The following TRHDE variants were observed in gnomAD, a reference collection of about 807,000 sequenced individuals.
TRHDE encodes thyrotropin-releasing hormone-degrading ectoenzyme.
TRHDE carries 72 observed loss-of-function variants against 125.7 expected under a neutral mutation model. The observed-to-expected ratio is 0.57, with a 90% CI of 0.47 to 0.70. The LOEUF (loss-of-function observed/expected upper bound fraction) is 0.70, where lower values mean the gene tolerates loss of function less well. Among genes scored for constraint, TRHDE ranks in the 30% least tolerant of loss-of-function variants. TRHDE has a pLI of 0.00. For synonymous variants in TRHDE, 509 were observed against 509.1 expected, an observed-to-expected ratio of 1.00 and a Z score of 0.00; for missense variants, 1,110 against 1,327.1, an observed-to-expected ratio of 0.84 and a Z score of 2.54.
chr12:72,234,982 C>T (rs1878313680), intron 2 of TRHDE, among the ~76,000 whole-genome samples: 2 of 152,154 alleles, frequency 1.3e-5, no homozygotes, highest in Non-Finnish European at 1.5e-5. Flanking sequence ...TATTATGGTA[C>T]CTAGTTCACT....
intron 18 of TRHDE, among the ~76,000 whole-genome samples, chr12:72,662,282 A>C (rs568464657): frequency 6.6e-6 from 1 of 152,306 alleles, no homozygotes; most frequent in South Asian, 2.1e-4. Context: ...TATATCAAAC[A>C]GAAAGGAAAA....
At chr12:72,483,958 ATTTAT>A (rs1327731034) in intron 5 of TRHDE, among the ~76,000 whole-genome samples, 4 of 152,068 alleles carry the variant, frequency 2.6e-5, no homozygotes, top group Non-Finnish European at 5.9e-5. Flanking sequence ...TTGTATGGCT[ATTTAT>A]TTTATAAATT....
intron 2 of TRHDE, among the ~76,000 whole-genome samples, chr12:72,106,744 C>CTCAT (rs1254492515): frequency 2.0e-5 from 3 of 152,086 alleles, no homozygotes; most frequent in East Asian, 3.9e-4. Context: ...TTTTCATTCA[C>CTCAT]TCATTCATTC....
chr12:72,153,128 G>T (rs912572731), intron 2 of TRHDE, among the ~76,000 whole-genome samples: 8 of 151,936 alleles, frequency 5.3e-5, no homozygotes, highest in Non-Finnish European at 8.8e-5. Context: ...GTCTTGGGAG[G>T]GTGCATATGT....
intron 7 of TRHDE, among the ~76,000 whole-genome samples, chr12:72,559,565 TATTTG>T (rs562392833): frequency 0.011 from 1,638 of 152,310 alleles, 28 homozygotes; most frequent in African/African-American, 0.037. Context: ...TGATTATCTT[TATTTG>T]ATTCCTTACA....
At chr12:72,136,979 C>T (rs1282726471) in intron 2 of TRHDE, among the ~76,000 whole-genome samples, 1 of 152,148 alleles carries the variant, frequency 6.6e-6, no homozygotes, top group African/African-American at 2.4e-5. Flanking sequence ...GTTTCTGGAC[C>T]ACCTGTTATC....
chr12:72,636,564 G>T lies in TRHDE; in HGVS notation c.2675+14813G>T, dbSNP rs1873762319. Among the ~76,000 whole-genome samples the T allele has an allele frequency of 2.6e-5, 4 of 151,526 alleles. No homozygotes were observed. The South Asian group carries it at 8.4e-4, about 32-fold the overall frequency. Reference sequence around the variant, plus strand: ...TGTTGAATAGGAGTGGTGAGAGAGGGCATCCCTGTCTTGTGCCAGTTTTCA... The same window carrying T: ...TGTTGAATAGGAGTGGTGAGAGAGGTCATCCCTGTCTTGTGCCAGTTTTCA... On this transcript the variant is annotated intron_variant, in intron 15 of 18. Transcript: ENST00000261180.
At chr12:72,595,304 CAAAAT>C (rs1247631048) in intron 12 of TRHDE, among the ~76,000 whole-genome samples, 26 of 151,802 alleles carry the variant, frequency 1.7e-4, no homozygotes, top group Admixed American at 1.1e-3. Flanking sequence ...TTCAAAAAAA[CAAAAT>C]AAAGGATATT....
At chr12:72,645,006 G>GAA (rs1874223842) in intron 15 of TRHDE, among the ~76,000 whole-genome samples, 3 of 152,140 alleles carry the variant, frequency 2.0e-5, no homozygotes, top group Non-Finnish European at 4.4e-5. Flanking sequence ...CTAGGCTATT[G>GAA]GGTGAGTATC....
At chr12:72,263,678 T>A (rs1448319287) in intron 2 of TRHDE, 1 of 152,080 alleles carries the variant, frequency 6.6e-6, no homozygotes, top group East Asian at 1.9e-4. Context: ...CAGGATTCAC[T>A]CATTAAGAAT....
intron 2 of TRHDE, among the ~76,000 whole-genome samples, chr12:72,376,328 T>C (rs973716925): frequency 6.6e-6 from 1 of 152,184 alleles, no homozygotes; most frequent in African/African-American, 2.4e-5. Context: ...CACTTGTACA[T>C]TCATCCTTTT....
intron 5 of TRHDE, among the ~76,000 whole-genome samples, chr12:72,475,830 A>G (rs903096162): frequency 1.3e-5 from 2 of 152,224 alleles, no homozygotes; most frequent in Non-Finnish European, 2.9e-5. Flanking sequence ...ATTAAAGTAA[A>G]AAATGAAATA....
At chr12:72,619,533 G>GCAAA (rs1565812571) in intron 13 of TRHDE, among the ~76,000 whole-genome samples, 1 of 152,124 alleles carries the variant, frequency 6.6e-6, no homozygotes, top group Non-Finnish European at 1.5e-5. Flanking sequence ...ATACAGGAAA[G>GCAAA]CAAACAACAG....
chr12:72,518,332 T>C (rs922459601), intron 6 of TRHDE, among the ~76,000 whole-genome samples: 1 of 147,950 alleles, frequency 6.8e-6, no homozygotes, highest in African/African-American at 2.6e-5. Context: ...GGTGCTCCTG[T>C]ATTGGGTGCA....
rs541703753 is a variant in TRHDE, at chr12:72,226,365, G to C, written n.279+120613G>C. On this transcript the variant is annotated intron_variant and non_coding_transcript_variant, in intron 2 of 4. Transcript: ENST00000548156. ...TCGTTCACTCCTGAGAATTTCTAAA[G>C]GGATTAGTGGTATTCCTTGCTGTTC... 5.3e-5 allele frequency among the ~76,000 whole-genome samples: 8 copies of C among 152,302 alleles called. No homozygotes were observed. The East Asian group carries it at 1.5e-3, about 29-fold the overall frequency.
In TRHDE at chr12:72,452,473, A is replaced by G. The variant is rs547858003; in HGVS notation, c.1316-17285A>G. 1.3e-4 allele frequency among the ~76,000 whole-genome samples: 20 copies of G among 152,170 alleles called. No individual in the cohort carries two copies. The South Asian group carries it at 4.1e-3, about 32-fold the overall frequency. On this transcript the variant is annotated intron_variant, in intron 3 of 18. Coordinates refer to ENST00000261180, the MANE Select transcript of TRHDE (RefSeq NM_013381.3). ...TGCTCTAGCTAGGGCTTCCAGGACT[A>G]TGTTTACTGGAAGTGACAAGTGTGG...
intron 12 of TRHDE, among the ~76,000 whole-genome samples, chr12:72,605,118 A>G (rs1872381889): frequency 6.6e-6 from 1 of 152,104 alleles, no homozygotes; most frequent in South Asian, 2.1e-4. Flanking sequence ...GGTAGCTATT[A>G]GAAGCAACTA....
intron 3 of TRHDE, among the ~76,000 whole-genome samples, chr12:72,454,000 T>C (rs557075441): frequency 2.0e-5 from 3 of 152,340 alleles, no homozygotes; most frequent in African/African-American, 4.8e-5. Context: ...CTTTTCATTT[T>C]CAGTTTTGCA....
At chr12:72,597,534 G>C (rs1871993957) in intron 12 of TRHDE, among the ~76,000 whole-genome samples, 1 of 151,046 alleles carries the variant, frequency 6.6e-6, no homozygotes, top group African/African-American at 2.4e-5. Context: ...CAGGCGTGGT[G>C]GCATGTGCCT....
Sources: gnomAD v4.1 joint callset for allele counts (sites outside exome capture counted in the v4.1 genomes callset) on GRCh38, gnomAD v4.1.1 for gene constraint, MANE v1.5 for transcripts, NCBI Gene and HGNC (gene_info 2026-07-23, HGNC 2026-07-21) for gene names.